HCK: variants seen among roughly 807,000 people sequenced by gnomAD.
HCK encodes the protein tyrosine-protein kinase HCK.
Under a neutral mutation model 70.4 loss-of-function variants are expected in HCK, and 40 were observed. The observed-to-expected ratio is 0.57, with a 90% CI of 0.44 to 0.74. The LOEUF is 0.74. HCK is among the 30% of genes least tolerant of loss of function. HCK has a pLI of 0.00. For missense variants in HCK, 568 were observed against 697.2 expected (o/e 0.81, Z 2.09); for synonymous variants, 245 against 263.2 (o/e 0.93, Z 0.67).
rs2045924586 is a variant in HCK, at chr20:32,094,790, A to AG, written c.1246+774_1246+775insG. 9.5e-4 allele frequency among the ~76,000 whole-genome samples: 13 copies of AG among 13,724 alleles called. 1 individual carries two copies. The highest frequency in any genetic ancestry group is 1.8e-3 in the Admixed American group (2 of 1,100). The allele number at this position is 13,724 out of a possible 152,430, so 9.0% of individuals were successfully genotyped here. ...GAAAGAAAGAAAGAGAGAGAAAGAG[A>AG]AAGAAAGAAAGAAAGAAAGAAAGAA... On this transcript the variant is annotated intron_variant, in intron 11 of 12. Transcript: ENST00000375852.
Position 32,090,101 on chromosome 20 carries a change from G to A in HCK, c.1092+1457G>A, listed in dbSNP as rs565591753. 2.0e-5 allele frequency among the ~76,000 whole-genome samples: 3 copies of A among 152,334 alleles called. No individual in the cohort carries two copies. The South Asian group carries it at 6.2e-4, about 32-fold the overall frequency. On this transcript the variant is annotated intron_variant, in intron 10 of 12. Transcript: ENST00000375852. Reference sequence around the variant, plus strand: ...TACTTTCAGAGCCTGGAATGCCAGAGGCATATGGAAATGTGTTTTCACTCC... The same window carrying A: ...TACTTTCAGAGCCTGGAATGCCAGAAGCATATGGAAATGTGTTTTCACTCC...
intron 12 of HCK, 93 bp from the exon 13 acceptor site, chr20:32,101,224 G>C (rs2046028259): frequency 9.5e-7 from 1 of 1,052,154 alleles, no homozygotes. Context: ...GTGAGGTGGG[G>C]AGTGATGCCT....
At position 32,084,320 on chromosome 20, in the gene HCK, C is replaced by A. The variant is rs1000545780; in HGVS notation, c.683-71C>A. On this transcript the variant is annotated intron_variant, in intron 7 of 12. Coordinates refer to ENST00000375852, the MANE Select transcript of HCK (RefSeq NM_002110.5). Reference sequence around the variant, plus strand: ...GAGAGATCCAGTGGACCAGGTAGGGCGGCCTCCAAGGAGCAACCTCTGGCT... The same window carrying A: ...GAGAGATCCAGTGGACCAGGTAGGGAGGCCTCCAAGGAGCAACCTCTGGCT... 12 of 1,477,944 alleles carry A rather than the reference C, an allele frequency of 8.1e-6. No homozygotes were observed. In the South Asian group the frequency reaches 1.0e-4, roughly 13 times the overall value. 91.6% of individuals were successfully genotyped at this position (1,477,944 alleles called of 1,614,324 possible). A position where few individuals can be genotyped will look rare whatever the true frequency, so the allele number is the denominator to read the frequency against.
chr20:32,056,736 G>A (rs2045278411), intron 1 of HCK, among the ~76,000 whole-genome samples: 1 of 152,038 alleles, frequency 6.6e-6, no homozygotes, highest in Non-Finnish European at 1.5e-5. Flanking sequence ...GCCCTCTGAG[G>A]GCTCTTACCT....
rs78160522 is a variant in HCK at position 32,082,660 on chromosome 20, G to A, written c.533-1234G>A. Among the ~76,000 whole-genome samples, 331 of 152,046 alleles carry A rather than the reference G, an allele frequency of 2.2e-3. 2 individuals are homozygous for A. The highest frequency in any genetic ancestry group is 7.2e-3 in the African/African-American group (300 of 41,512). ...CTGACACACACACACAAAAAATAAA[G>A]TTTAAACTTCCCAAATCCTATGACA... On this transcript the variant is annotated intron_variant, in intron 6 of 12. Coordinates refer to ENST00000375852, the MANE Select transcript of HCK (RefSeq NM_002110.5).
At chr20:32,086,555 A>C (rs2122586618) in intron 8 of HCK, 73 bp from the exon 9 acceptor site, 3 of 1,300,428 alleles carry the variant, frequency 2.3e-6, no homozygotes, top group African/African-American at 1.5e-5. Context: ...GCGGGTCTGC[A>C]GCTGGGCCTT....
chr20:32,096,141 G>A (rs2045951671), intron 11 of HCK, among the ~76,000 whole-genome samples: 1 of 151,714 alleles, frequency 6.6e-6, no homozygotes, highest in African/African-American at 2.4e-5. Flanking sequence ...TCACCCACCT[G>A]GGCCTCCCGA....
At chr20:32,071,613 G>A (rs199878298) in intron 1 of HCK, 49 bp from the exon 2 acceptor site, 38 of 1,600,368 alleles carry the variant, frequency 2.4e-5, no homozygotes, top group Admixed American at 6.8e-5. Context: ...AGACTTCCCC[G>A]CATGAGGCTC....
intron 1 of HCK, chr20:32,054,298 C>T (rs1479119080): frequency 4.4e-6 from 2 of 455,668 alleles, no homozygotes; most frequent in Admixed American, 4.7e-5. Context: ...ATAAACAACA[C>T]GTAGGATTGT....
chr20:32,054,633 C>T (rs1336845959), intron 1 of HCK, among the ~76,000 whole-genome samples: 3 of 151,286 alleles, frequency 2.0e-5, no homozygotes, highest in Non-Finnish European at 2.9e-5. Context: ...GGGGAAACCC[C>T]GTCTCTACTA....
At chr20:32,065,155 T>C (rs1326671963) in intron 1 of HCK, among the ~76,000 whole-genome samples, 2 of 152,236 alleles carry the variant, frequency 1.3e-5, no homozygotes, top group African/African-American at 4.8e-5. Context: ...GTGGCAGAAC[T>C]GCTATCCAAA....
intron 11 of HCK, among the ~76,000 whole-genome samples, chr20:32,095,842 G>C (rs994875631): frequency 1.3e-5 from 2 of 151,862 alleles, no homozygotes; most frequent in East Asian, 3.9e-4. Flanking sequence ...GTCACCTTTA[G>C]TTTCTGTTAG....
At chr20:32,078,576 G>T (rs1453647498) in intron 5 of HCK, among the ~76,000 whole-genome samples, 1 of 151,896 alleles carries the variant, frequency 6.6e-6, no homozygotes, top group African/African-American at 2.4e-5. Context: ...ATAAAATGGG[G>T]CCAGGAGCAG....
intron 10 of HCK, among the ~76,000 whole-genome samples, chr20:32,093,021 T>C (rs1406412319): frequency 1.3e-5 from 2 of 152,156 alleles, no homozygotes; most frequent in Non-Finnish European, 2.9e-5. Context: ...CTCGGCTCAC[T>C]GCAGCCTCTG....
At position 32,093,908 on chromosome 20, in the gene HCK, C is replaced by A; in HGVS notation, c.1138C>A (p.Arg380=). The A allele has an allele frequency of 6.2e-7, 1 of 1,614,014 alleles. No individual in the cohort carries two copies. The highest frequency in any genetic ancestry group is 1.3e-5 in the African/African-American group (1 of 75,028). Residue 380 remains arginine (R), a synonymous_variant, in exon 11 of 13, where the codon CGA becomes AGA. Transcript: ENST00000375852. ...CATCGAGCAGAGGAACTACATCCACCGAGACCTCCGAGCTGCCAACATCTT... is the reference window on the plus strand; with the variant it reads ...CATCGAGCAGAGGAACTACATCCACAGAGACCTCCGAGCTGCCAACATCTT...
chr20:32,097,667 A>C (rs750529660), intron 11 of HCK, among the ~76,000 whole-genome samples: 4 of 152,176 alleles, frequency 2.6e-5, no homozygotes, highest in Non-Finnish European at 4.4e-5. Flanking sequence ...GAAGAAGATA[A>C]GCAGGAAATC....
rs973410419 is a variant in HCK, at chr20:32,088,538, G to T, written c.1016-30G>T. The T allele has an allele frequency of 3.8e-6, 6 of 1,570,290 alleles. No homozygotes were observed. The African/African-American group carries it at 8.2e-5, about 21-fold the overall frequency. ...TTTTTGCCATTAAATAGTAAAAGTA[G>T]TAAATGTTCCTCCCCTCTCCCCCAT... On this transcript the variant is annotated intron_variant, in intron 9 of 12. Coordinates refer to ENST00000375852, the MANE Select transcript of HCK (RefSeq NM_002110.5).
At chr20:32,094,762 AAG>A (rs2045919658) in intron 11 of HCK, among the ~76,000 whole-genome samples, 7 of 122,930 alleles carry the variant, frequency 5.7e-5, no homozygotes, top group East Asian at 2.1e-4. Context: ...AGAAAGAAAG[AAG>A]GAAAGAAAGA....
intron 8 of HCK, among the ~76,000 whole-genome samples, chr20:32,085,499 G>A (rs74566007): frequency 0.015 from 2,214 of 152,190 alleles, 48 homozygotes; most frequent in African/African-American, 0.049. Flanking sequence ...GGGAGACAGA[G>A]TGAGACTCTG....
Sources: gnomAD v4.1 joint callset for allele counts (sites outside exome capture counted in the v4.1 genomes callset) on GRCh38, gnomAD v4.1.1 for gene constraint, MANE v1.5 for transcripts, NCBI Gene and HGNC (gene_info 2026-07-23, HGNC 2026-07-21) for gene names.